Variants in ZDHHC15 observed in about 807,000 individuals in gnomAD.
ZDHHC15 encodes the protein palmitoyltransferase ZDHHC15.
ZDHHC15 carries 19 observed loss-of-function variants against 31.7 expected under a neutral mutation model. That is an observed-to-expected ratio of 0.60 (90% confidence interval 0.42 to 0.88). The LOEUF is 0.88. Among genes scored for constraint, ZDHHC15 ranks in the 40% least tolerant of loss-of-function variants. ZDHHC15 has a pLI of 0.00. For synonymous variants in ZDHHC15, 103 were observed against 90.0 expected, an observed-to-expected ratio of 1.14 and a Z score of -0.82; for missense variants, 209 against 251.2, an observed-to-expected ratio of 0.83 and a Z score of 1.14.
At chrX:75,471,687 G>C (rs1249387416) in intron 3 of ZDHHC15, among the ~76,000 whole-genome samples, 1 of 111,843 alleles carries the variant, frequency 8.9e-6, no homozygotes, top group Non-Finnish European at 1.9e-5. Flanking sequence ...TTTTGAGTTG[G>C]GTCCAGAACA....
At chrX:75,519,814 G>A (rs940526581) in intron 1 of ZDHHC15, among the ~76,000 whole-genome samples, 1 of 112,018 alleles carries the variant, frequency 8.9e-6, no homozygotes, top group Non-Finnish European at 1.9e-5. Context: ...TTGCTAATTT[G>A]TTACAAGATT....
intron 3 of ZDHHC15, among the ~76,000 whole-genome samples, chrX:75,477,039 G>T (rs777405080): frequency 3.2e-4 from 35 of 110,879 alleles, no homozygotes; most frequent in African/African-American, 1.0e-3. Flanking sequence ...TCTGAGCACT[G>T]CTTTATTGCA....
At chrX:75,481,085 C>G (rs1363695420) in intron 2 of ZDHHC15, among the ~76,000 whole-genome samples, 2 of 111,036 alleles carry the variant, frequency 1.8e-5, no homozygotes, top group Admixed American at 9.6e-5. Context: ...ACTTTTTTCT[C>G]TTAGGCAATG....
chrX:75,391,183 C>T (rs2083238465), intron 10 of ZDHHC15, among the ~76,000 whole-genome samples: 1 of 109,922 alleles, frequency 9.1e-6, no homozygotes, highest in Non-Finnish European at 1.9e-5. Flanking sequence ...AGAGAAGAGA[C>T]AAAAAAAGGA....
intron 1 of ZDHHC15, among the ~76,000 whole-genome samples, chrX:75,518,126 G>GA (rs147394446): frequency 0.59 from 65,172 of 110,008 alleles, 17,051 homozygotes; most frequent in Non-Finnish European, 0.82. Flanking sequence ...GGCAACAAAA[G>GA]AAAAAATAGA....
rs367767542 is a variant in ZDHHC15, at chrX:75,455,029, T to C, written c.259-4107A>G. Among the ~76,000 whole-genome samples the C allele has an allele frequency of 1.3e-4, 14 of 111,438 alleles. No homozygotes were observed. In the South Asian group the frequency reaches 5.2e-3, roughly 42 times the overall value. On this transcript the variant is annotated intron_variant, in intron 3 of 11. Coordinates refer to ENST00000373367, the MANE Select transcript of ZDHHC15 (RefSeq NM_144969.3). ...TTGGAAAAAACTACTTTAAAGTTCA[T>C]ATGGAATCAAAAAAGAGCCCGAATT...
intron 2 of ZDHHC15, among the ~76,000 whole-genome samples, chrX:75,490,742 T>C (rs991269570): frequency 4.5e-5 from 5 of 111,699 alleles, no homozygotes; most frequent in African/African-American, 1.6e-4. Context: ...TATTTTATTC[T>C]CTTTGAAGCA....
chrX:75,392,274 T>C (rs759194425), intron 10 of ZDHHC15, among the ~76,000 whole-genome samples: 7 of 112,191 alleles, frequency 6.2e-5, no homozygotes, highest in South Asian at 3.7e-4. Flanking sequence ...TAGAGAAAGA[T>C]GTAGGCTAGG....
At chrX:75,506,435 T>C (rs1211261172) in intron 1 of ZDHHC15, among the ~76,000 whole-genome samples, 2 of 112,099 alleles carry the variant, frequency 1.8e-5, no homozygotes, top group Non-Finnish European at 3.8e-5. Flanking sequence ...TTTCTTCACA[T>C]ATAGGTCTAT....
intron 10 of ZDHHC15, among the ~76,000 whole-genome samples, chrX:75,409,886 AC>A (rs2083466206): frequency 9.1e-6 from 1 of 109,626 alleles, no homozygotes; most frequent in African/African-American, 3.3e-5. Context: ...TGGGATAAAA[AC>A]ACACATAGAC....
At chrX:75,470,795 C>T (rs777430393) in intron 3 of ZDHHC15, among the ~76,000 whole-genome samples, 214 of 111,638 alleles carry the variant, frequency 1.9e-3, no homozygotes, top group African/African-American at 6.4e-3. Context: ...GGCAGAATCC[C>T]CACAATGGCT....
At chrX:75,451,495 A>G (rs916587964) in intron 3 of ZDHHC15, among the ~76,000 whole-genome samples, 2 of 112,257 alleles carry the variant, frequency 1.8e-5, no homozygotes, top group Non-Finnish European at 3.8e-5. Context: ...TTGCCACAAT[A>G]GTGCCACATT....
intron 10 of ZDHHC15, among the ~76,000 whole-genome samples, chrX:75,410,270 G>C (rs2083470362): frequency 1.8e-5 from 2 of 110,279 alleles, no homozygotes; most frequent in African/African-American, 3.3e-5. Flanking sequence ...AAAGTGAAGA[G>C]ACAACCCATA....
chrX:75,466,483 A>G (rs1326807971), intron 3 of ZDHHC15, among the ~76,000 whole-genome samples: 1 of 111,517 alleles, frequency 9.0e-6, no homozygotes, highest in East Asian at 2.8e-4. Context: ...TTAAAGATAC[A>G]TGCATTAATT....
At chrX:75,460,051 T>C (rs1489386394) in intron 3 of ZDHHC15, among the ~76,000 whole-genome samples, 1 of 112,093 alleles carries the variant, frequency 8.9e-6, no homozygotes, top group Non-Finnish European at 1.9e-5. Context: ...AATTTTGTAT[T>C]TTTAGTAGAG....
Position 75,433,856 on chromosome X carries a change from C to T in ZDHHC15, c.380-2336G>A, listed in dbSNP as rs566915097. Among the ~76,000 whole-genome samples, 32 of 110,797 alleles carry T rather than the reference C, an allele frequency of 2.9e-4. No individual in the cohort carries two copies. The Admixed American group carries it at 3.1e-3, about 11-fold the overall frequency. ...TGACTTCTTTTGCTCTGGGTAAATACCCAGGAGTGGGATTGTTGGATCAAA... is the reference window on the plus strand; with the variant it reads ...TGACTTCTTTTGCTCTGGGTAAATATCCAGGAGTGGGATTGTTGGATCAAA... On this transcript the variant is annotated intron_variant, in intron 4 of 11. Transcript: ENST00000373367.
intron 3 of ZDHHC15, among the ~76,000 whole-genome samples, chrX:75,476,040 T>A (rs1375419954): frequency 9.0e-6 from 1 of 111,295 alleles, no homozygotes; most frequent in African/African-American, 3.3e-5. Flanking sequence ...AAAACATAAT[T>A]GGTTTTTGCG....
intron 1 of ZDHHC15, among the ~76,000 whole-genome samples, chrX:75,508,670 G>C (rs775837530): frequency 1.8e-5 from 2 of 110,467 alleles, no homozygotes; most frequent in South Asian, 3.9e-4. Flanking sequence ...CCCAGTAATG[G>C]GGTGGCTGGG....
intron 2 of ZDHHC15, among the ~76,000 whole-genome samples, chrX:75,483,595 G>T (rs890018160): frequency 2.7e-5 from 3 of 111,255 alleles, no homozygotes; most frequent in Non-Finnish European, 3.8e-5. Flanking sequence ...ATTAAAAAAA[G>T]AAAATAGTTT....
Sources: allele counts gnomAD v4.1 joint callset (sites outside exome capture counted in the v4.1 genomes callset), GRCh38; gene constraint gnomAD v4.1.1; transcripts MANE v1.5; gene names NCBI Gene and HGNC (gene_info 2026-07-23, HGNC 2026-07-21).